The following HDAC4 variants were observed in gnomAD, a reference collection of about 807,000 sequenced individuals.
The protein encoded by HDAC4 is histone deacetylase 4, also known as histone deacetylase A.
A neutral mutation model predicts 135.1 loss-of-function variants in HDAC4; 16 were observed. The observed-to-expected ratio is 0.12, with a 90% CI of 0.08 to 0.18. The LOEUF is 0.18. Among genes scored for constraint, HDAC4 ranks in the 10% least tolerant of loss-of-function variants. The pLI is 1.00. For missense variants in HDAC4, 1,143 were observed against 1,511.8 expected, an observed-to-expected ratio of 0.76 and a Z score of 4.05; for synonymous variants, 685 against 653.4, an observed-to-expected ratio of 1.05 and a Z score of -0.74.
chr2:239,231,692 CTGAGGTAGG>C (rs2047572751), intron 3 of HDAC4, among the ~76,000 whole-genome samples: 1 of 48,636 alleles, frequency 2.1e-5, no homozygotes, highest in African/African-American at 6.5e-5. Flanking sequence ...TCCCGGATGC[CTGAGGTAGG>C]CGTCCTCCCC....
intron 7 of HDAC4, among the ~76,000 whole-genome samples, chr2:239,155,969 A>C (rs558050403): frequency 2.0e-5 from 3 of 152,152 alleles, no homozygotes; most frequent in Non-Finnish European, 4.4e-5. Flanking sequence ...CACTGCCCAC[A>C]GCCACCCTAA....
intron 2 of HDAC4, among the ~76,000 whole-genome samples, chr2:239,289,500 T>A (rs1294162831): frequency 6.6e-6 from 1 of 152,226 alleles, no homozygotes; most frequent in Non-Finnish European, 1.5e-5. Flanking sequence ...TTTTCCTTCT[T>A]CACTCACTAA....
intron 1 of HDAC4, among the ~76,000 whole-genome samples, chr2:239,360,147 G>C (rs1429476051): frequency 6.6e-6 from 1 of 152,216 alleles, no homozygotes; most frequent in African/African-American, 2.4e-5. Context: ...AACCACACCT[G>C]ATGGCCTGCG....
intron 1 of HDAC4, among the ~76,000 whole-genome samples, chr2:239,396,134 G>A (rs930946906): frequency 6.0e-5 from 9 of 150,738 alleles, no homozygotes; most frequent in African/African-American, 2.2e-4. Flanking sequence ...ACGACGTCAT[G>A]CCTGATTTTT....
intron 3 of HDAC4, among the ~76,000 whole-genome samples, chr2:239,200,482 T>C (rs1339451960): frequency 2.6e-5 from 4 of 152,220 alleles, no homozygotes; most frequent in East Asian, 3.9e-4. Context: ...TGGCCCTACC[T>C]TGGAGCTTCG....
chr2:239,168,655 C>T (rs911137470), intron 5 of HDAC4, among the ~76,000 whole-genome samples: 4 of 152,230 alleles, frequency 2.6e-5, no homozygotes, highest in African/African-American at 9.6e-5. Flanking sequence ...CGCCGGCCCG[C>T]CACTGCTCCT....
rs2045287097 is a variant in HDAC4 at position 239,195,097 on chromosome 2, G to A, written c.95-5020C>T. 2.0e-5 allele frequency among the ~76,000 whole-genome samples: 3 copies of A among 152,188 alleles called. No homozygotes were observed. The South Asian group carries it at 6.2e-4, about 32-fold the overall frequency. On this transcript the variant is annotated intron_variant, in intron 3 of 26. Coordinates refer to ENST00000543185, the MANE Select transcript of HDAC4 (RefSeq NM_001378414.1). ...CAGAGGGGGCTTCGGTGGGCACCGA[G>A]GCTGGGGAGTCGGGCTCACCAATGC...
At chr2:239,106,358 A>C (rs1360548671) in intron 15 of HDAC4, among the ~76,000 whole-genome samples, 2 of 152,288 alleles carry the variant, frequency 1.3e-5, no homozygotes, top group East Asian at 3.9e-4. Flanking sequence ...GGGGAGGGAC[A>C]AGGAAGCAGG....
intron 20 of HDAC4, 109 bp from the exon 21 acceptor site, chr2:239,082,330 C>A (rs1468012251): frequency 2.1e-6 from 3 of 1,402,004 alleles, no homozygotes; most frequent in South Asian, 2.3e-5. Context: ...GGCTCCTGCT[C>A]AGGAATGACA....
intron 2 of HDAC4, among the ~76,000 whole-genome samples, chr2:239,261,157 G>A (rs928868486): frequency 6.6e-6 from 1 of 152,288 alleles, no homozygotes; most frequent in African/African-American, 2.4e-5. Context: ...GGGTGGCCGG[G>A]GTGGTGTTAA....
intron 7 of HDAC4, among the ~76,000 whole-genome samples, chr2:239,149,918 T>C (rs1394075306): frequency 6.6e-6 from 1 of 152,180 alleles, no homozygotes; most frequent in Non-Finnish European, 1.5e-5. Flanking sequence ...CTCAATGTTT[T>C]GGAATATACA....
chr2:239,307,707 C>T lies in HDAC4; in HGVS notation c.22+44971G>A, dbSNP rs2052671579. 6.6e-6 allele frequency among the ~76,000 whole-genome samples: 1 copy of T among 152,204 alleles called. No homozygotes were observed. The highest frequency in any genetic ancestry group is 1.5e-5 in the Non-Finnish European group (1 of 68,036). On this transcript the variant is annotated intron_variant, in intron 2 of 26. Transcript: ENST00000543185. The surrounding 1 kb of genome is among the most constrained non-coding windows in gnomAD (Gnocchi z 4.8). ...TGACGTTCTCATGACCGCACTTGGT[C>T]TAAGCAAATGCTGCTGGGATGATTT...
chr2:239,319,626 A>G lies in HDAC4; in HGVS notation c.22+33052T>C, dbSNP rs375566532. ...GACCCAAGTTTGCGTGTGTCAGAAA[A>G]CACACAAAAGAATGTCCACAACATC... On this transcript the variant is annotated intron_variant, in intron 2 of 26. Transcript: ENST00000543185. Among the ~76,000 whole-genome samples the G allele has an allele frequency of 2.6e-5, 4 of 152,348 alleles. No individual in the cohort carries two copies. The East Asian group carries it at 7.7e-4, about 29-fold the overall frequency.
In HDAC4 at chr2:239,331,918, G is replaced by C. The variant is rs927280298; in HGVS notation, c.22+20760C>G. 8.5e-5 allele frequency among the ~76,000 whole-genome samples: 13 copies of C among 152,190 alleles called. No individual in the cohort carries two copies. Among genetic ancestry groups the C allele is most frequent in the African/African-American group, 3.1e-4 (13 of 41,444 alleles). On this transcript the variant is annotated intron_variant, in intron 2 of 26. Transcript: ENST00000543185. This position sits in a 1 kb window ranked among gnomAD's most constrained non-coding sequence, Gnocchi z 4.5. ...GGGGGTGAGGAGAGCCCCGTGCCAG[G>C]AGTGAGGGCAACACGGACCTGACCA...
At position 239,081,179 on chromosome 2, in the gene HDAC4, G is replaced by T; in HGVS notation, c.2666C>A (p.Pro889His). Reference sequence around the variant, plus strand: ...CATGTTGACGTTGAAACCCACGCCGGGCCCTGTGCCCACCTGTGGCCAGAA... The same window carrying T: ...CATGTTGACGTTGAAACCCACGCCGTGCCCTGTGCCCACCTGTGGCCAGAA... ...SGAPDEVGTG[P>H]GVGFNVNMAF... The change falls in exon 22 of 27, where the codon CCC becomes CAC. Residue 889 changes from proline to histidine, a missense_variant. Pro to His is a moderately conservative substitution (Grantham distance 77, BLOSUM62 -2). Around this residue, in one of 9 missense-constraint regions of HDAC4, gnomAD observed 189 missense variants for 317.6 expected, o/e 0.60. Transcript: ENST00000543185. The T allele has an allele frequency of 6.2e-7, 1 of 1,613,400 alleles. No homozygotes were observed. Among genetic ancestry groups the T allele is most frequent in the Non-Finnish European group, 8.5e-7 (1 of 1,179,884 alleles).
intron 6 of HDAC4, chr2:239,162,404 T>C: frequency 2.2e-6 from 1 of 452,732 alleles, no homozygotes; most frequent in South Asian, 1.6e-5. Flanking sequence ...TGAACCACGA[T>C]CCACACTCCT....
At chr2:239,301,440 C>G (rs1302200865) in intron 2 of HDAC4, among the ~76,000 whole-genome samples, 1 of 151,896 alleles carries the variant, frequency 6.6e-6, no homozygotes, top group Non-Finnish European at 1.5e-5. Context: ...CACACTGGCC[C>G]ACATTTCTAA....
At chr2:239,264,111 C>A in intron 2 of HDAC4, among the ~76,000 whole-genome samples, 1 of 152,170 alleles carries the variant, frequency 6.6e-6, no homozygotes, top group East Asian at 1.9e-4. Context: ...CCAGGCCAGG[C>A]GGGGAGCTCG....
intron 1 of HDAC4, among the ~76,000 whole-genome samples, chr2:239,378,080 G>A (rs927484029): frequency 3.9e-5 from 6 of 152,124 alleles, no homozygotes; most frequent in African/African-American, 9.7e-5. Context: ...CCTCCACTCA[G>A]CCAACATCCG....
Sources: allele counts gnomAD v4.1 joint callset (sites outside exome capture counted in the v4.1 genomes callset), GRCh38; gene constraint gnomAD v4.1.1; regional missense constraint gnomAD v4.1.1; non-coding constraint Gnocchi (gnomAD v3.1); transcripts MANE v1.5; gene names NCBI Gene and HGNC (gene_info 2026-07-23, HGNC 2026-07-21).